RAD18: variants seen among roughly 807,000 people sequenced by gnomAD.
RAD18 encodes E3 ubiquitin-protein ligase RAD18.
RAD18 carries 47 observed loss-of-function variants against 60.4 expected under a neutral mutation model. The observed-to-expected ratio is 0.78, with a 90% CI of 0.62 to 0.99. The LOEUF is 0.99. Among genes scored for constraint, RAD18 ranks in the 50% least tolerant of loss-of-function variants. RAD18 has a pLI of 0.00. For missense variants in RAD18, 640 were observed against 593.3 expected (o/e 1.08, Z -0.82); for synonymous variants, 225 against 195.5 (o/e 1.15, Z -1.26).
chr3:8,925,057 G>T (rs76094210), intron 7 of RAD18, among the ~76,000 whole-genome samples: 118 of 146,128 alleles, frequency 8.1e-4, no homozygotes, highest in African/African-American at 2.9e-3. Context: ...AAATAACTAA[G>T]ATCAGAGCAG....
chr3:8,886,418 C>T (rs1362097851), intron 12 of RAD18, among the ~76,000 whole-genome samples: 1 of 152,146 alleles, frequency 6.6e-6, no homozygotes, highest in African/African-American at 2.4e-5. Context: ...CAGCTGATGG[C>T]TTAAAATTTT....
Position 8,893,759 on chromosome 3 carries a change from A to G in RAD18, c.1323-3308T>C, listed in dbSNP as rs1939738468. On this transcript the variant is annotated intron_variant, in intron 11 of 12. Transcript: ENST00000264926. Reference sequence around the variant, plus strand: ...GTCACTCAGGCTGGAGTGCAGTGGTACAATCACAGCTACTGCAGCCTCAAC... The same window carrying G: ...GTCACTCAGGCTGGAGTGCAGTGGTGCAATCACAGCTACTGCAGCCTCAAC... 3.5e-5 allele frequency among the ~76,000 whole-genome samples: 5 copies of G among 142,296 alleles called. No homozygotes were observed. The South Asian group carries it at 1.1e-3, about 31-fold the overall frequency. 93.4% of individuals were successfully genotyped at this position (142,296 alleles called of 152,430 possible). A position where few individuals can be genotyped will look rare whatever the true frequency, so the allele number is the denominator to read the frequency against.
At chr3:8,901,244 C>A (rs1432885479) in intron 10 of RAD18, among the ~76,000 whole-genome samples, 1 of 152,172 alleles carries the variant, frequency 6.6e-6, no homozygotes, top group Non-Finnish European at 1.5e-5. Flanking sequence ...TAAGATAATG[C>A]AGCCACTATG....
At chr3:8,927,408 C>G (rs1940460872) in intron 7 of RAD18, among the ~76,000 whole-genome samples, 1 of 152,178 alleles carries the variant, frequency 6.6e-6, no homozygotes, top group Admixed American at 6.5e-5. Flanking sequence ...AGTCAGGAAA[C>G]AACAGGTGCT....
chr3:8,896,521 A>G (rs1395074472), intron 11 of RAD18, among the ~76,000 whole-genome samples: 1 of 152,172 alleles, frequency 6.6e-6, no homozygotes, highest in Non-Finnish European at 1.5e-5. Flanking sequence ...TTCTTTTTCG[A>G]CTGACTCAAT....
intron 7 of RAD18, among the ~76,000 whole-genome samples, chr3:8,926,888 T>C (rs369255734): frequency 6.6e-5 from 10 of 152,112 alleles, no homozygotes; most frequent in African/African-American, 9.6e-5. Context: ...CCCTTCCTTA[T>C]ACCTTATACA....
rs1383887847 is a variant in RAD18 at position 8,878,525 on chromosome 3, G to C, written c.*2832C>G. On this transcript the variant is annotated 3_prime_UTR_variant, in exon 13 of 13. Transcript: ENST00000264926. ...AAGAAGTTTGAAATCCATTGTTTTT[G>C]GGTTTTTTTCCAGAAACAGTTCTAG... is the stretch of plus-strand genomic sequence containing the variant. 1 of 152,048 alleles carries C rather than the reference G, an allele frequency of 6.6e-6. No individual in the cohort carries two copies. The highest frequency in any genetic ancestry group is 1.5e-5 in the Non-Finnish European group (1 of 68,002). The allele number at this position is 152,048 out of a possible 1,614,324, so 9.4% of individuals were successfully genotyped here.
intron 7 of RAD18, among the ~76,000 whole-genome samples, chr3:8,933,605 C>T (rs769346694): frequency 5.3e-5 from 8 of 152,140 alleles, no homozygotes; most frequent in Non-Finnish European, 1.0e-4. Flanking sequence ...TCGTGTACCA[C>T]TGCATCAAAA....
intron 10 of RAD18, 26 bp from the exon 11 acceptor site, chr3:8,899,073 C>A (rs771169730): frequency 6.5e-7 from 1 of 1,534,204 alleles, no homozygotes; most frequent in Admixed American, 1.9e-5. Context: ...TTTAAGAGTA[C>A]CTTAAAATCT....
intron 11 of RAD18, among the ~76,000 whole-genome samples, chr3:8,895,984 C>A (rs1232406838): frequency 6.6e-6 from 1 of 152,304 alleles, no homozygotes; most frequent in Middle Eastern, 3.4e-3. Flanking sequence ...TGCAAAAATT[C>A]TCTCTTGCTA....
intron 6 of RAD18, among the ~76,000 whole-genome samples, chr3:8,937,288 T>C (rs11714280): frequency 0.08 from 12,193 of 152,240 alleles, 552 homozygotes; most frequent in South Asian, 0.14. Flanking sequence ...AAACTGTGAC[T>C]GTGAAATTCC....
chr3:8,955,984 A>G (rs1381943221), intron 2 of RAD18, among the ~76,000 whole-genome samples: 2 of 152,216 alleles, frequency 1.3e-5, no homozygotes, highest in Non-Finnish European at 2.9e-5. Flanking sequence ...AGTTTAATTT[A>G]TTAATAAGAC....
chr3:8,929,300 G>C (rs1438859694), intron 7 of RAD18, among the ~76,000 whole-genome samples: 1 of 151,896 alleles, frequency 6.6e-6, no homozygotes, highest in Non-Finnish European at 1.5e-5. Context: ...TGAAGCTGAA[G>C]GATGATTCTT....
At chr3:8,952,927 C>T (rs1171202138) in intron 2 of RAD18, among the ~76,000 whole-genome samples, 1 of 152,112 alleles carries the variant, frequency 6.6e-6, no homozygotes, top group South Asian at 2.1e-4. Flanking sequence ...ATAAACCCAT[C>T]ATAAATTGAA....
Position 8,912,344 on chromosome 3 carries a change from T to C in RAD18, c.995A>G (p.Glu332Gly), listed in dbSNP as rs200667948. 4.5e-6 allele frequency: 7 copies of C among 1,566,784 alleles called. No homozygotes were observed. The highest frequency in any genetic ancestry group is 6.0e-6 in the Non-Finnish European group (7 of 1,159,230). The change falls in exon 9 of 13, where the codon GAA becomes GGA. Residue 332 changes from glutamate (E) to glycine (G), a missense_variant. Transcript: ENST00000264926. ...ACTGTGGATTTCATCTATTTCCTTT[T>C]CTGTTTGGTCCTTTGTAAAAACCAT... ...SVMVFTKDQT[E>G]KEIDEIHSKY... is the part of the protein sequence containing the mutation.
At position 8,895,738 on chromosome 3, in the gene RAD18, T is replaced by C. The variant is rs948831947; in HGVS notation, c.1322+3156A>G. ...TACTGAGTTGGCCCACTTCCTCCTT[T>C]GTTCCCATCCAACCTGTTTTCTCAT... On this transcript the variant is annotated intron_variant, in intron 11 of 12. Coordinates refer to ENST00000264926, the MANE Select transcript of RAD18 (RefSeq NM_020165.4). Among the ~76,000 whole-genome samples the C allele has an allele frequency of 6.0e-4, 91 of 152,360 alleles. 1 individual carries two copies. The highest frequency in any genetic ancestry group is 4.4e-3 in the Admixed American group (67 of 15,300).
chr3:8,927,456 T>C (rs1185454669), intron 7 of RAD18, among the ~76,000 whole-genome samples: 2 of 152,216 alleles, frequency 1.3e-5, no homozygotes, highest in South Asian at 2.1e-4. Flanking sequence ...TTTTACACTG[T>C]TGGTGGGACT....
Position 8,963,365 on chromosome 3 carries a change from A to C in RAD18, c.21T>G (p.Ser7=). The part of the protein sequence containing the change: MDSLAE[S]RWPPGLAVMK... ...TGACTGCCAGGCCCGGAGGCCACCG[A>C]GACTCGGCCAGGGAGTCCATGGTCG... The change falls in exon 1 of 13, where the codon TCT becomes TCG. Residue 7 remains serine (S), a synonymous_variant. Transcript: ENST00000264926. 1 of 1,611,370 alleles carries C rather than the reference A, an allele frequency of 6.2e-7. No individual in the cohort carries two copies. Among genetic ancestry groups the C allele is most frequent in the Non-Finnish European group, 8.5e-7 (1 of 1,178,852 alleles).
At chr3:8,927,437 T>C (rs1454603312) in intron 7 of RAD18, among the ~76,000 whole-genome samples, 1 of 152,130 alleles carries the variant, frequency 6.6e-6, no homozygotes, top group Non-Finnish European at 1.5e-5. Context: ...TGTGGAGAAA[T>C]AGGAACACTT....
Sources: allele counts gnomAD v4.1 joint callset (sites outside exome capture counted in the v4.1 genomes callset), GRCh38; gene constraint gnomAD v4.1.1; transcripts MANE v1.5; gene names NCBI Gene and HGNC (gene_info 2026-07-23, HGNC 2026-07-21).